TMPRSS6: variants seen among roughly 807,000 people sequenced by gnomAD.
The protein encoded by TMPRSS6 is transmembrane serine protease 6.
TMPRSS6 carries 67 observed loss-of-function variants against 101.5 expected under a neutral mutation model. That is an observed-to-expected ratio of 0.66 (90% CI 0.54 to 0.81). The LOEUF (loss-of-function observed/expected upper bound fraction) is 0.81. TMPRSS6 is among the 30% of genes least tolerant of loss of function. The probability of loss-of-function intolerance (pLI) is 0.00; values close to 1 mark genes in which losing one functional copy is unlikely to be tolerated. For synonymous variants in TMPRSS6, 453 were observed against 464.9 expected (o/e 0.97, Z 0.33); for missense variants, 1,034 against 1,088.7 (o/e 0.95, Z 0.71).
At chr22:37,067,122 T>C (rs1041987424) in intron 16 of TMPRSS6, among the ~76,000 whole-genome samples, 160 bp from the exon 17 acceptor site, 3 of 152,176 alleles carry the variant, frequency 2.0e-5, no homozygotes, top group African/African-American at 7.2e-5. Context: ...TGCCTCCCTG[T>C]CACTTTATTC....
intron 7 of TMPRSS6, among the ~76,000 whole-genome samples, chr22:37,088,180 T>C (rs563926763): frequency 1.3e-5 from 2 of 152,228 alleles, no homozygotes; most frequent in South Asian, 4.1e-4. Flanking sequence ...GGAAGTCAGA[T>C]GGTGTCTGGC....
intron 1 of TMPRSS6, among the ~76,000 whole-genome samples, chr22:37,108,390 G>A (rs1291479243): frequency 6.6e-6 from 1 of 152,288 alleles, no homozygotes; most frequent in East Asian, 1.9e-4. Context: ...GCTTACCTGT[G>A]GGCACTCTCT....
intron 1 of TMPRSS6, among the ~76,000 whole-genome samples, chr22:37,108,585 G>A (rs548268316): frequency 4.6e-5 from 7 of 152,296 alleles, no homozygotes; most frequent in Non-Finnish European, 7.3e-5. Flanking sequence ...TCCTTGGGGC[G>A]GGGCCGCGAC....
At chr22:37,088,237 G>C (rs1364090714) in intron 7 of TMPRSS6, among the ~76,000 whole-genome samples, 2 of 152,168 alleles carry the variant, frequency 1.3e-5, no homozygotes, top group Non-Finnish European at 2.9e-5. Flanking sequence ...CCACGCACAT[G>C]CCGCAGATCG....
chr22:37,096,088 TC>T lies in TMPRSS6; in HGVS notation c.406del (p.Glu136ArgfsTer20). ...CCAGAAGAAGCAGGTGAGGGGTCCCTCCCTAAGGCAGGCAGAAGTGAGAGAG... is the reference window on the plus strand; with the variant it reads ...CCAGAAGAAGCAGGTGAGGGGTCCCTCCTAAGGCAGGCAGAAGTGAGAGAG... ...YNSSSVYSFGEGPLTCFFWFI... is the reference protein window; with the variant it reads ...YNSSSVYSFGXGPLTCFFWFI... On this transcript the variant is annotated frameshift_variant and splice_region_variant, in exon 5 of 18. Coordinates refer to ENST00000676104, the MANE Select transcript of TMPRSS6 (RefSeq NM_001374504.1). LOFTEE classifies it high-confidence loss of function. The T allele has an allele frequency of 6.2e-7, 1 of 1,614,038 alleles. No homozygotes were observed. The highest frequency in any genetic ancestry group is 8.5e-7 in the Non-Finnish European group (1 of 1,180,008).
At chr22:37,077,292 G>A (rs1683406510) in intron 10 of TMPRSS6, among the ~76,000 whole-genome samples, 1 of 152,190 alleles carries the variant, frequency 6.6e-6, no homozygotes, top group Non-Finnish European at 1.5e-5. Flanking sequence ...TGCTTGAGGG[G>A]AGGGCTCCGA....
chr22:37,086,515 T>C, intron 7 of TMPRSS6, 96 bp from the exon 8 acceptor site: 1 of 1,318,138 alleles, frequency 7.6e-7, no homozygotes, highest in Admixed American at 2.0e-5. Context: ...TGGACGGGAG[T>C]CTGGACATCT....
rs147442469 is a variant in TMPRSS6 at position 37,106,018 on chromosome 22, G to A, written c.-1-2600C>T. On this transcript the variant is annotated intron_variant, in intron 1 of 17. Coordinates refer to ENST00000676104, the MANE Select transcript of TMPRSS6 (RefSeq NM_001374504.1). Reference sequence around the variant, plus strand: ...ATGAGTCATAGAGCCATGGGGACTCGGGGGCATAGAGGTGGTAACAGGTGA... The same window carrying A: ...ATGAGTCATAGAGCCATGGGGACTCAGGGGCATAGAGGTGGTAACAGGTGA... 6.9e-3 allele frequency among the ~76,000 whole-genome samples: 1,053 copies of A among 152,226 alleles called. 9 individuals are homozygous for A. The highest frequency in any genetic ancestry group is 0.024 in the African/African-American group (1,002 of 41,520).
Position 37,103,462 on chromosome 22 carries a change from C to T in TMPRSS6, c.-1-44G>A. ...AAAGTTGGAAACAGCCTCGCATTTG[C>T]AAGGGAGCCTCTGCTGAGCACCGGT... is the stretch of plus-strand genomic sequence containing the variant. On this transcript the variant is annotated intron_variant, in intron 1 of 17. Transcript: ENST00000676104. This position sits in a 1 kb window ranked among gnomAD's most constrained non-coding sequence, Gnocchi z 4.4. 1 of 1,614,220 alleles carries T rather than the reference C, an allele frequency of 6.2e-7. No individual in the cohort carries two copies. The highest frequency in any genetic ancestry group is 8.5e-7 in the Non-Finnish European group (1 of 1,180,020).
intron 6 of TMPRSS6, among the ~76,000 whole-genome samples, chr22:37,094,706 C>T (rs11912053): frequency 0.05 from 7,539 of 152,192 alleles, 622 homozygotes; most frequent in African/African-American, 0.17. Context: ...GTACTTTGAC[C>T]TCATCACCTC....
At position 37,081,153 on chromosome 22, in the gene TMPRSS6, C is replaced by T. The variant is rs147085632; in HGVS notation, c.1196+3142G>A. 1.6e-3 allele frequency among the ~76,000 whole-genome samples: 238 copies of T among 152,352 alleles called. 1 individual carries two copies. The highest frequency in any genetic ancestry group is 2.7e-3 in the Non-Finnish European group (187 of 68,028). ...GTTGTTGAGGCTGAAAGAGCCAGCA[C>T]CATAAACCCCTCAGCTTGTGCCTGC... On this transcript the variant is annotated intron_variant, in intron 10 of 17. Coordinates refer to ENST00000676104, the MANE Select transcript of TMPRSS6 (RefSeq NM_001374504.1).
At position 37,084,420 on chromosome 22, in the gene TMPRSS6, GGGCCATCAGGT is replaced by G; in HGVS notation, c.1087-27_1087-17del. 2 of 1,597,086 alleles carry G rather than the reference GGGCCATCAGGT, an allele frequency of 1.3e-6. No individual in the cohort carries two copies. Among genetic ancestry groups the G allele is most frequent in the Middle Eastern group, 1.8e-4 (1 of 5,512 alleles). ...GAGAGGGCACCTGGGAGGGAGGAGCGGGCCATCAGGTGGCCCATGGGGTGTGGCCAGGTTGG... is the reference window on the plus strand; with the variant it reads ...GAGAGGGCACCTGGGAGGGAGGAGCGGGCCCATGGGGTGTGGCCAGGTTGG... On this transcript the variant is annotated splice_polypyrimidine_tract_variant and intron_variant, in intron 9 of 17. Transcript: ENST00000676104.
At position 37,075,135 on chromosome 22, in the gene TMPRSS6, G is replaced by T. The variant is rs1313271879; in HGVS notation, c.1342C>A (p.Pro448Thr). The T allele has an allele frequency of 1.2e-6, 2 of 1,613,606 alleles. No homozygotes were observed. Among genetic ancestry groups the T allele is most frequent in the African/African-American group, 2.7e-5 (2 of 74,926 alleles). The part of the protein sequence containing the change: ...VHYGLYNQSD[P>T]CPGEFLCSVN... The stretch of plus-strand genomic sequence containing the variant: ...GGTTCCCCCGGCTGCCCATACTCAC[G>T]GTCCGACTGGTTGTACAAGCCATAG... Residue 448 changes from proline (P) to threonine (T), a missense_variant and splice_region_variant, in exon 11 of 18, where the codon CCC becomes ACC. Pro to Thr is a conservative substitution (Grantham distance 38). Coordinates refer to ENST00000676104, the MANE Select transcript of TMPRSS6 (RefSeq NM_001374504.1).
intron 7 of TMPRSS6, among the ~76,000 whole-genome samples, chr22:37,087,270 C>T (rs914693532): frequency 6.6e-5 from 10 of 152,326 alleles, no homozygotes; most frequent in Non-Finnish European, 1.3e-4. Flanking sequence ...AACTAACGGC[C>T]CCACCTCCCT....
rs5756515 is a variant in TMPRSS6, at chr22:37,103,652, A to G, written c.-1-234T>C. 0.38 allele frequency: 583,802 copies of G among 1,520,556 alleles called. 114,707 individuals carry two copies. The highest frequency in any genetic ancestry group is 0.41 in the Non-Finnish European group (452,871 of 1,106,328). 94.2% of individuals were successfully genotyped at this position (1,520,556 alleles called of 1,614,324 possible). On this transcript the variant is annotated intron_variant, in intron 1 of 17. Coordinates refer to ENST00000676104, the MANE Select transcript of TMPRSS6 (RefSeq NM_001374504.1). This position sits in a 1 kb window ranked among gnomAD's most constrained non-coding sequence, Gnocchi z 4.4. Reference sequence around the variant, plus strand: ...CCAGAGCTGGACTGGGTCTGGCTCAAGAACCCCACCTTTGCTTCCCACTGG... The same window carrying G: ...CCAGAGCTGGACTGGGTCTGGCTCAGGAACCCCACCTTTGCTTCCCACTGG...
Position 37,098,543 on chromosome 22 carries a change from T to A in TMPRSS6, c.209A>T (p.Lys70Met). The A allele has an allele frequency of 1.2e-6, 2 of 1,614,110 alleles. No homozygotes were observed. Among genetic ancestry groups the A allele is most frequent in the African/African-American group, 2.7e-5 (2 of 75,018 alleles). ...GVLLWYFLGY[K>M]AEVMVSQVYS... is the part of the protein sequence containing the mutation. ...CACCTGGCTGACCATCACCTCCGCC[T>A]TGTACCCTGCCCAGGAAGGAACCAG... The change falls in exon 3 of 18, where the codon AAG (lysine) becomes ATG (methionine). Residue 70 changes from lysine to methionine, a missense_variant. Transcript: ENST00000676104.
At chr22:37,084,115 C>T (rs2543521) in intron 10 of TMPRSS6, 180 bp downstream of exon 10, 138,358 of 644,198 alleles carry the variant, frequency 0.21, 15,784 homozygotes, top group African/African-American at 0.35. Context: ...AGGGCGGAGG[C>T]TGGGACGAGG....
At position 37,073,538 on chromosome 22, in the gene TMPRSS6, G is replaced by A; in HGVS notation, c.1549C>T (p.Gln517Ter). 1 of 1,611,634 alleles carries A rather than the reference G, an allele frequency of 6.2e-7. No homozygotes were observed. Among genetic ancestry groups the A allele is most frequent in the Non-Finnish European group, 8.5e-7 (1 of 1,177,794 alleles). The part of the protein sequence containing the change: ...CLNGSDEEQC[Q>*]EGVPCGTFTF... Reference sequence around the variant, plus strand: ...TCGGCTAGGCCTGCCCTACCTTCCTGGCACTGCTCTTCGTCGCTGCCGTTG... The same window carrying A: ...TCGGCTAGGCCTGCCCTACCTTCCTAGCACTGCTCTTCGTCGCTGCCGTTG... The change falls in exon 13 of 18, where the codon CAG (glutamine) becomes TAG (stop). Residue 517 changes from glutamine to a stop codon, truncating the protein, a stop_gained. Coordinates refer to ENST00000676104, the MANE Select transcript of TMPRSS6 (RefSeq NM_001374504.1). LOFTEE classifies it high-confidence loss of function.
In TMPRSS6 at chr22:37,080,418, T is replaced by C. The variant is rs542153556; in HGVS notation, c.1196+3877A>G. On this transcript the variant is annotated intron_variant, in intron 10 of 17. Coordinates refer to ENST00000676104, the MANE Select transcript of TMPRSS6 (RefSeq NM_001374504.1). ...CCTCTCCCCTGACCCGCCCTCTCCA[T>C]CAATGGGCATTCTGGGCCAAAGGGC... 4.1e-4 allele frequency among the ~76,000 whole-genome samples: 63 copies of C among 152,332 alleles called. 1 individual carries two copies. The highest frequency in any genetic ancestry group is 7.5e-4 in the Non-Finnish European group (51 of 68,026).
Sources: gnomAD v4.1 joint callset for allele counts (sites outside exome capture counted in the v4.1 genomes callset) on GRCh38, gnomAD v4.1.1 for gene constraint, Gnocchi (gnomAD v3.1) non-coding constraint, MANE v1.5 for transcripts, NCBI Gene and HGNC (gene_info 2026-07-23, HGNC 2026-07-21) for gene names.